The following GSTCD variants were observed in gnomAD, a reference collection of about 807,000 sequenced individuals.
GSTCD encodes glutathione S-transferase C-terminal domain-containing protein.
GSTCD carries 44 observed loss-of-function variants against 68.3 expected under a neutral mutation model. The ratio of observed to expected loss-of-function variants is 0.64; its 90% CI spans 0.51 to 0.83. The LOEUF (loss-of-function observed/expected upper bound fraction) is 0.83. Among genes scored for constraint, GSTCD ranks in the 40% least tolerant of loss-of-function variants. GSTCD has a pLI of 0.00. For synonymous variants in GSTCD, 273 were observed against 255.2 expected, an observed-to-expected ratio of 1.07 and a Z score of -0.67; for missense variants, 739 against 735.9, an observed-to-expected ratio of 1.00 and a Z score of -0.05.
Position 105,726,678 on chromosome 4 carries a change from G to T in GSTCD, c.994G>T (p.Ala332Ser), listed in dbSNP as rs1288763238. The change falls in exon 4 of 12, where the codon GCT becomes TCT. Residue 332 changes from alanine (A) to serine (S), a missense_variant. Coordinates refer to ENST00000515279, the MANE Select transcript of GSTCD (RefSeq NM_001370181.1). The part of the protein sequence containing the change: ...IQEVPGVKTA[A>S]SKCGIQFLHL... Reference sequence around the variant, plus strand: ...GGAAGTGCCAGGAGTAAAAACAGCAGCTTCTAAGTGTGGGATCCAATTTCT... The same window carrying T: ...GGAAGTGCCAGGAGTAAAAACAGCATCTTCTAAGTGTGGGATCCAATTTCT... 2 of 1,613,962 alleles carry T rather than the reference G, an allele frequency of 1.2e-6. No homozygotes were observed. Among genetic ancestry groups the T allele is most frequent in the Non-Finnish European group, 1.7e-6 (2 of 1,179,938 alleles).
intron 5 of GSTCD, among the ~76,000 whole-genome samples, chr4:105,736,490 G>A (rs1022682672): frequency 6.6e-6 from 1 of 151,964 alleles, no homozygotes; most frequent in African/African-American, 2.4e-5. Flanking sequence ...CATAGTAATT[G>A]TGCATATTTT....
rs776222904 is a variant in GSTCD, at chr4:105,719,279, A to C, written c.646A>C (p.Lys216Gln). 3.7e-6 allele frequency: 6 copies of C among 1,613,994 alleles called. No individual in the cohort carries two copies. In the Admixed American group the frequency reaches 6.7e-5, roughly 18 times the overall value. ...AGTTGGGCCTCCCCTTACTAAGGGA[A>C]AGGCAAAGAGCAAGGTCCACACACA... ...DGVGPPLTKGKAKSKVHTQET... is the reference protein window; with the variant it reads ...DGVGPPLTKGQAKSKVHTQET... The change falls in exon 3 of 12, where the codon AAG (lysine) becomes CAG (glutamine). Residue 216 changes from lysine to glutamine, a missense_variant. Lys to Gln is a moderately conservative substitution (Grantham distance 53, BLOSUM62 1). Coordinates refer to ENST00000515279, the MANE Select transcript of GSTCD (RefSeq NM_001370181.1).
chr4:105,749,864 A>T (rs1451816741), intron 5 of GSTCD, among the ~76,000 whole-genome samples: 1 of 152,200 alleles, frequency 6.6e-6, no homozygotes, highest in Admixed American at 6.5e-5. Flanking sequence ...GACTATTAAA[A>T]GGATGACCAA....
intron 5 of GSTCD, among the ~76,000 whole-genome samples, chr4:105,766,159 G>T (rs1020434283): frequency 6.6e-6 from 1 of 152,158 alleles, no homozygotes; most frequent in East Asian, 1.9e-4. Context: ...ACCAGGAATG[G>T]TGACTCATCC....
At chr4:105,739,852 A>G (rs968361094) in intron 5 of GSTCD, among the ~76,000 whole-genome samples, 1 of 152,104 alleles carries the variant, frequency 6.6e-6, no homozygotes, top group African/African-American at 2.4e-5. Context: ...AGGTGCAACC[A>G]TGACTGAGGG....
intron 9 of GSTCD, among the ~76,000 whole-genome samples, chr4:105,837,332 C>CG (rs993538523): frequency 2.0e-5 from 3 of 152,150 alleles, no homozygotes; most frequent in Non-Finnish European, 4.4e-5. Context: ...CAAGTAGGAA[C>CG]GGCCCTATGC....
intron 5 of GSTCD, among the ~76,000 whole-genome samples, chr4:105,732,475 G>C (rs778857744): frequency 6.6e-6 from 1 of 152,082 alleles, no homozygotes; most frequent in Admixed American, 6.6e-5. Flanking sequence ...TAGTTTATTT[G>C]CATAGAGGTG....
chr4:105,845,199 T>C lies in GSTCD; in HGVS notation c.1766-242T>C, dbSNP rs566507887. ...TTTGAGATTTGCTTATAAATACATC[T>C]GAAAAGGTTAACATTCTTTAAATTA... On this transcript the variant is annotated intron_variant, in intron 11 of 11. Coordinates refer to ENST00000515279, the MANE Select transcript of GSTCD (RefSeq NM_001370181.1). 3.0e-3 allele frequency among the ~76,000 whole-genome samples: 461 copies of C among 152,344 alleles called. 3 individuals are homozygous for C. The highest frequency in any genetic ancestry group is 0.011 in the African/African-American group (445 of 41,588).
chr4:105,777,053 A>G (rs564887038), intron 5 of GSTCD, among the ~76,000 whole-genome samples: 1 of 152,304 alleles, frequency 6.6e-6, no homozygotes, highest in South Asian at 2.1e-4. Context: ...CTGTTCTGGA[A>G]TGGAAAAGAA....
In GSTCD at chr4:105,794,920, A is replaced by G. The variant is rs188690902; in HGVS notation, c.1241-28034A>G. Among the ~76,000 whole-genome samples the G allele has an allele frequency of 3.5e-3, 532 of 151,452 alleles. 8 individuals are homozygous for G. The highest frequency in any genetic ancestry group is 0.012 in the African/African-American group (499 of 41,132). ...GAGACAGAGTCTCACTCTGTCGCCCAGGCTGGAGTGCAGTGGCGGGCTCAG... is the reference window on the plus strand; with the variant it reads ...GAGACAGAGTCTCACTCTGTCGCCCGGGCTGGAGTGCAGTGGCGGGCTCAG... On this transcript the variant is annotated intron_variant, in intron 5 of 11. Coordinates refer to ENST00000515279, the MANE Select transcript of GSTCD (RefSeq NM_001370181.1).
intron 3 of GSTCD, among the ~76,000 whole-genome samples, chr4:105,725,006 T>A (rs1732986479): frequency 6.6e-6 from 1 of 152,034 alleles, no homozygotes; most frequent in African/African-American, 2.4e-5. Flanking sequence ...CAGATTGGAA[T>A]GCAGTTGATT....
chr4:105,819,271 T>G (rs936921990), intron 5 of GSTCD, among the ~76,000 whole-genome samples: 1 of 151,788 alleles, frequency 6.6e-6, no homozygotes, highest in Non-Finnish European at 1.5e-5. Flanking sequence ...TTGTTCTTGG[T>G]ATGCCTTCCC....
intron 5 of GSTCD, among the ~76,000 whole-genome samples, chr4:105,765,320 C>T (rs1734562083): frequency 6.6e-6 from 1 of 152,174 alleles, no homozygotes; most frequent in South Asian, 2.1e-4. Context: ...GCTGTATGTG[C>T]ATTCCTAATA....
At chr4:105,794,329 T>G (rs1218947477) in intron 5 of GSTCD, among the ~76,000 whole-genome samples, 1 of 151,944 alleles carries the variant, frequency 6.6e-6, no homozygotes, top group African/African-American at 2.4e-5. Flanking sequence ...ACTACAATGG[T>G]AGATATATGT....
At chr4:105,725,426 T>C (rs1184184203) in intron 3 of GSTCD, among the ~76,000 whole-genome samples, 6 of 152,148 alleles carry the variant, frequency 3.9e-5, no homozygotes, top group African/African-American at 1.4e-4. Context: ...TCTTTCAAAG[T>C]GGCTGTACTA....
chr4:105,790,641 C>T (rs1001519626), intron 5 of GSTCD, among the ~76,000 whole-genome samples: 1 of 151,988 alleles, frequency 6.6e-6, no homozygotes, highest in East Asian at 1.9e-4. Flanking sequence ...ACCCTGTCTT[C>T]CCACAAAAAA....
intron 5 of GSTCD, among the ~76,000 whole-genome samples, chr4:105,752,013 T>G (rs556587045): frequency 6.6e-6 from 1 of 152,210 alleles, no homozygotes; most frequent in East Asian, 1.9e-4. Context: ...TACTTTAGAG[T>G]CCTCAACAAA....
At chr4:105,724,415 A>T (rs1015179003) in intron 3 of GSTCD, among the ~76,000 whole-genome samples, 3 of 151,800 alleles carry the variant, frequency 2.0e-5, no homozygotes, top group Non-Finnish European at 3.0e-5. Flanking sequence ...ATAAAAAAAA[A>T]ATTCTATAGT....
chr4:105,735,051 A>G (rs944348328), intron 5 of GSTCD, among the ~76,000 whole-genome samples: 2 of 152,198 alleles, frequency 1.3e-5, no homozygotes, highest in Non-Finnish European at 2.9e-5. Context: ...GCTTCGTCTC[A>G]GAGGGGTACC....
Sources: gnomAD v4.1 joint callset for allele counts (sites outside exome capture counted in the v4.1 genomes callset) on GRCh38, gnomAD v4.1.1 for gene constraint, MANE v1.5 for transcripts, NCBI Gene and HGNC (gene_info 2026-07-23, HGNC 2026-07-21) for gene names.